The following CTIF variants were observed in gnomAD, a reference collection of about 807,000 sequenced individuals.
CTIF encodes cap binding complex dependent translation initiation factor.
Under a neutral mutation model 66.0 loss-of-function variants are expected in CTIF, and 21 were observed. That is an observed-to-expected ratio of 0.32 (90% confidence interval 0.23 to 0.46). The LOEUF (loss-of-function observed/expected upper bound fraction) is 0.46, where lower values mean the gene tolerates loss of function less well. Ranked by LOEUF, CTIF falls within the 20% of genes least tolerant of loss-of-function variation. The pLI is 1.00. For missense variants in CTIF, 739 were observed against 812.7 expected, an observed-to-expected ratio of 0.91 and a Z score of 1.10; for synonymous variants, 345 against 326.4, an observed-to-expected ratio of 1.06 and a Z score of -0.62.
intron 1 of CTIF, among the ~76,000 whole-genome samples, chr18:48,559,488 G>A (rs539943136): frequency 7.2e-5 from 11 of 152,166 alleles, no homozygotes; most frequent in Admixed American, 2.0e-4. Flanking sequence ...TAGGCTGTGT[G>A]AAAAACCACC....
chr18:48,730,371 G>A lies in CTIF; in HGVS notation c.584+18676G>A, dbSNP rs1258741359. On this transcript the variant is annotated intron_variant, in intron 7 of 11. Transcript: ENST00000256413. ...GGCTCCTGCTGTGTGAGGGGCCCCT[G>A]CGGTGTGAGGGGCTCCTGCTGTGTG... is the stretch of plus-strand genomic sequence containing the variant. 1.7e-4 allele frequency among the ~76,000 whole-genome samples: 19 copies of A among 113,878 alleles called. No individual in the cohort carries two copies. In the East Asian group the frequency reaches 4.1e-3, roughly 24 times the overall value. 74.7% of individuals were successfully genotyped at this position (113,878 alleles called of 152,430 possible).
At position 48,862,822 on chromosome 18, in the gene CTIF, C is replaced by CCAAGT. The variant is rs979186957; in HGVS notation, c.*3265_*3269dup. ...GCCCCAGACGCGGGCCTCCAAGAAG[C>CCAAGT]CAAGTCCCAGTCTGTTTTCTGGCAT... On this transcript the variant is annotated 3_prime_UTR_variant, in exon 12 of 12. Coordinates refer to ENST00000256413, the MANE Select transcript of CTIF (RefSeq NM_014772.3). 7 of 152,278 alleles carry CCAAGT rather than the reference C, an allele frequency of 4.6e-5. No homozygotes were observed. Among genetic ancestry groups the CCAAGT allele is most frequent in the African/African-American group, 1.7e-4 (7 of 41,460 alleles). The allele number at this position is 152,278 out of a possible 1,614,324, so 9.4% of individuals were successfully genotyped here. A position where few individuals can be genotyped will look rare whatever the true frequency, so the allele number is the denominator to read the frequency against.
chr18:48,804,017 A>G (rs1317749037), intron 9 of CTIF, among the ~76,000 whole-genome samples: 1 of 152,220 alleles, frequency 6.6e-6, no homozygotes, highest in Non-Finnish European at 1.5e-5. Flanking sequence ...AAGACAGCCC[A>G]GGCCTGTGTG....
At chr18:48,701,100 T>C (rs2092078504) in intron 6 of CTIF, among the ~76,000 whole-genome samples, 1 of 152,198 alleles carries the variant, frequency 6.6e-6, no homozygotes, top group Non-Finnish European at 1.5e-5. Flanking sequence ...CTGGGTCTTA[T>C]CTGTGCCATA....
chr18:48,797,113 A>G (rs887572736), intron 9 of CTIF, among the ~76,000 whole-genome samples: 2 of 152,164 alleles, frequency 1.3e-5, no homozygotes, highest in African/African-American at 4.8e-5. Flanking sequence ...GCACTACCCT[A>G]TAGGGAATAT....
chr18:48,755,135 C>G (rs1206195847), intron 7 of CTIF, among the ~76,000 whole-genome samples: 1 of 152,166 alleles, frequency 6.6e-6, no homozygotes, highest in Admixed American at 6.5e-5. Context: ...CACAAAAATT[C>G]TAAATAAGGA....
chr18:48,699,147 CCG>C lies in CTIF; in HGVS notation c.508-12471_508-12470del, dbSNP rs542957816. On this transcript the variant is annotated intron_variant, in intron 6 of 11. Transcript: ENST00000256413. Reference sequence around the variant, plus strand: ...TAGATACCCCCGAGCCTCCTGGTGCCCGACGGCCCCAGCAGGCTAGTCAGACC... The same window carrying C: ...TAGATACCCCCGAGCCTCCTGGTGCCACGGCCCCAGCAGGCTAGTCAGACC... Among the ~76,000 whole-genome samples, 453 of 152,256 alleles carry C rather than the reference CCG, an allele frequency of 3.0e-3. 3 individuals are homozygous for C. The highest frequency in any genetic ancestry group is 0.014 in the Middle Eastern group (4 of 294).
intron 7 of CTIF, among the ~76,000 whole-genome samples, chr18:48,747,980 T>C (rs948686942): frequency 1.3e-5 from 2 of 151,846 alleles, no homozygotes; most frequent in Non-Finnish European, 1.5e-5. Context: ...GAGGTTTTTG[T>C]CATCAGCTGC....
chr18:48,633,633 T>C (rs1054734823), intron 2 of CTIF, among the ~76,000 whole-genome samples: 2 of 151,614 alleles, frequency 1.3e-5, no homozygotes, highest in African/African-American at 4.9e-5. Context: ...ACCTGGGAGG[T>C]GGAGGTTGCA....
In CTIF at chr18:48,859,850, C is replaced by A; in HGVS notation, c.*291C>A. The A allele has an allele frequency of 3.4e-6, 2 of 594,494 alleles. No individual in the cohort carries two copies. Among genetic ancestry groups the A allele is most frequent in the Non-Finnish European group, 3.2e-6 (1 of 315,460 alleles). The allele number at this position is 594,494 out of a possible 1,614,324, so 36.8% of individuals were successfully genotyped here. A position where few individuals can be genotyped will look rare whatever the true frequency, so the allele number is the denominator to read the frequency against. ...CCTTCCTCACTCCCGCCTCTCCCCT[C>A]CCCATCAGACCCATCCCCCACGGAG... On this transcript the variant is annotated 3_prime_UTR_variant, in exon 12 of 12. Transcript: ENST00000256413.
chr18:48,761,629 G>A lies in CTIF; in HGVS notation c.1311G>A (p.Lys437=). Residue 437 remains lysine (K), a synonymous_variant, in exon 9 of 12, where the codon AAG becomes AAA. Coordinates refer to ENST00000256413, the MANE Select transcript of CTIF (RefSeq NM_014772.3). This position sits in a 1 kb window ranked among gnomAD's most constrained non-coding sequence, Gnocchi z 4.2. ...FAFTAAKLCD[K]MALFMVEGTK... is the part of the protein sequence containing the mutation. ...TCACCGCTGCCAAGCTCTGCGACAA[G>A]ATGGCGCTCTTTATGGTGGAGGGGA... The A allele has an allele frequency of 6.2e-7, 1 of 1,614,142 alleles. No individual in the cohort carries two copies. Among genetic ancestry groups the A allele is most frequent in the Non-Finnish European group, 8.5e-7 (1 of 1,180,014 alleles).
intron 7 of CTIF, among the ~76,000 whole-genome samples, chr18:48,720,662 TGAAAA>T (rs2092326730): frequency 6.6e-6 from 1 of 152,122 alleles, no homozygotes; most frequent in African/African-American, 2.4e-5. Context: ...GGCTCTCTCT[TGAAAA>T]GAAGAGCAGC....
chr18:48,683,291 T>A (rs968366439), intron 6 of CTIF: 1 of 151,652 alleles, frequency 6.6e-6, no homozygotes, highest in African/African-American at 2.4e-5. Context: ...CATACTGTGG[T>A]TGTGTCCAGA....
At chr18:48,569,498 CA>C (rs2089362059) in intron 1 of CTIF, among the ~76,000 whole-genome samples, 1 of 151,904 alleles carries the variant, frequency 6.6e-6, no homozygotes, top group African/African-American at 2.4e-5. Context: ...ACTTGGGTTT[CA>C]AAAAATTTCT....
At chr18:48,593,335 T>C (rs1429822649) in intron 1 of CTIF, among the ~76,000 whole-genome samples, 1 of 152,212 alleles carries the variant, frequency 6.6e-6, no homozygotes, top group Non-Finnish European at 1.5e-5. Flanking sequence ...ATCCTCATTA[T>C]TGTCATCATT....
At chr18:48,681,057 A>G (rs542396288) in intron 6 of CTIF, among the ~76,000 whole-genome samples, 3 of 152,310 alleles carry the variant, frequency 2.0e-5, no homozygotes, top group South Asian at 2.1e-4. Context: ...CCCAGGACAC[A>G]CTGACTCTTA....
chr18:48,836,573 C>A (rs1188806276), intron 10 of CTIF, among the ~76,000 whole-genome samples: 1 of 152,220 alleles, frequency 6.6e-6, no homozygotes, highest in African/African-American at 2.4e-5. Flanking sequence ...CCTCCAGGTC[C>A]CAACATCCCA....
intron 3 of CTIF, among the ~76,000 whole-genome samples, chr18:48,642,346 C>T (rs960837647): frequency 6.6e-6 from 1 of 152,180 alleles, no homozygotes; most frequent in Admixed American, 6.5e-5. Flanking sequence ...AGGTGTCTTG[C>T]AGGACATGAG....
chr18:48,730,115 C>T (rs897052049), intron 7 of CTIF, among the ~76,000 whole-genome samples: 5 of 152,244 alleles, frequency 3.3e-5, no homozygotes, highest in Admixed American at 3.3e-4. Flanking sequence ...GCCACAAGTT[C>T]AGTTCTGCAG....
Sources: allele counts gnomAD v4.1 joint callset (sites outside exome capture counted in the v4.1 genomes callset), GRCh38; gene constraint gnomAD v4.1.1; non-coding constraint Gnocchi (gnomAD v3.1); transcripts MANE v1.5; gene names NCBI Gene and HGNC (gene_info 2026-07-23, HGNC 2026-07-21).